Variants in THSD7B observed in about 807,000 individuals in gnomAD.
The protein encoded by THSD7B is thrombospondin type 1 domain containing 7B.
THSD7B carries 138 observed loss-of-function variants against 213.6 expected under a neutral mutation model. The ratio of observed to expected loss-of-function variants is 0.65; its 90% confidence interval spans 0.56 to 0.74. The LOEUF is 0.74. Ranked by LOEUF, THSD7B falls within the 30% of genes least tolerant of loss-of-function variation. The pLI, the probability that THSD7B is intolerant of heterozygous loss-of-function variation, is 0.00. For synonymous variants in THSD7B, 742 were observed against 687.0 expected (o/e 1.08, Z -1.25); for missense variants, 1,931 against 1,991.5 (o/e 0.97, Z 0.58).
In THSD7B at chr2:136,983,377, A is replaced by ACACACACACT. The variant is rs1342830898; in HGVS notation, c.140-73040_140-73039insACACACTCAC. Reference sequence around the variant, plus strand: ...CACACAGACACACACACACGCACACACACTCACTCTCTCTCTCTCTGTCTG... The same window carrying ACACACACACT: ...CACACAGACACACACACACGCACACACACACACACTCACTCACTCTCTCTCTCTCTGTCTG... On this transcript the variant is annotated intron_variant, in intron 2 of 27. Coordinates refer to ENST00000409968, the MANE Select transcript of THSD7B (RefSeq NM_001316349.2). Among the ~76,000 whole-genome samples the ACACACACACT allele has an allele frequency of 5.5e-5, 8 of 146,412 alleles. No individual in the cohort carries two copies. In the East Asian group the frequency reaches 6.1e-4, roughly 11 times the overall value.
Position 137,560,628 on chromosome 2 carries a change from G to A in THSD7B, c.3139-2593G>A, listed in dbSNP as rs143406378. Among the ~76,000 whole-genome samples, 895 of 152,150 alleles carry A rather than the reference G, an allele frequency of 5.9e-3. 11 individuals carry two copies. The highest frequency in any genetic ancestry group is 0.02 in the African/African-American group (819 of 41,476). On this transcript the variant is annotated intron_variant, in intron 15 of 27. Transcript: ENST00000409968. ...CCTAATGTAAATGACGAGCTAATGG[G>A]TGCAGCACACCAACATGGCACATGT...
Position 137,663,525 on chromosome 2 carries a change from C to G in THSD7B, c.4601C>G (p.Ser1534Ter). 1 of 1,608,734 alleles carries G rather than the reference C, an allele frequency of 6.2e-7. No homozygotes were observed. The highest frequency in any genetic ancestry group is 8.5e-7 in the Non-Finnish European group (1 of 1,177,282). ...NLSGKNRPVN[S>*]KIHDIFKGWS... ...TCTGGGAAAAACAGACCTGTGAATT[C>G]AAAAATACATGATATTTTTAAAGGA... Residue 1534 changes from serine to a stop codon, truncating the protein, a stop_gained, in exon 26 of 28, where the codon TCA becomes TGA. Transcript: ENST00000409968. LOFTEE classifies it high-confidence loss of function.
intron 15 of THSD7B, among the ~76,000 whole-genome samples, chr2:137,507,375 T>G (rs531916766): frequency 3.9e-5 from 6 of 152,354 alleles, no homozygotes; most frequent in African/African-American, 1.4e-4. Context: ...TCTTTCTCCC[T>G]TGGCAACAAA....
intron 9 of THSD7B, among the ~76,000 whole-genome samples, chr2:137,239,524 G>A (rs371968134): frequency 1.1e-4 from 17 of 152,102 alleles, no homozygotes; most frequent in African/African-American, 3.6e-4. Context: ...TATATCACTG[G>A]CCCTTCTCCC....
chr2:137,152,078 A>T (rs1405246505), intron 5 of THSD7B, among the ~76,000 whole-genome samples: 2 of 150,276 alleles, frequency 1.3e-5, no homozygotes, highest in Non-Finnish European at 2.9e-5. Flanking sequence ...GCTTATAGTG[A>T]ACTCTTTAAA....
chr2:137,161,071 G>T (rs1680009794), intron 6 of THSD7B, among the ~76,000 whole-genome samples: 1 of 152,134 alleles, frequency 6.6e-6, no homozygotes, highest in Non-Finnish European at 1.5e-5. Flanking sequence ...ATTTTTGCAA[G>T]GGTCATTATG....
chr2:136,967,711 T>A (rs1191442383), intron 2 of THSD7B, among the ~76,000 whole-genome samples: 1 of 152,210 alleles, frequency 6.6e-6, no homozygotes, highest in African/African-American at 2.4e-5. Context: ...ACTCCCAATG[T>A]GTCTCTTTCT....
At chr2:137,094,767 C>T (rs147939826) in intron 3 of THSD7B, 106 bp from the exon 4 acceptor site, 134 of 1,402,218 alleles carry the variant, frequency 9.6e-5, no homozygotes, top group African/African-American at 5.3e-4. Flanking sequence ...TCCTATTAAA[C>T]GCTTAAATCA....
intron 12 of THSD7B, among the ~76,000 whole-genome samples, chr2:137,370,512 AG>A (rs1390581755): frequency 1.3e-5 from 2 of 152,186 alleles, no homozygotes; most frequent in African/African-American, 4.8e-5. Context: ...TCTGTTGCCC[AG>A]TCTGGAATGC....
intron 2 of THSD7B, among the ~76,000 whole-genome samples, chr2:136,929,674 G>A (rs1473005711): frequency 6.6e-6 from 1 of 152,180 alleles, no homozygotes. Context: ...TTAAGATTTA[G>A]GAGTAAGGTT....
intron 3 of THSD7B, among the ~76,000 whole-genome samples, chr2:137,068,215 A>G (rs1313136439): frequency 6.6e-6 from 1 of 151,894 alleles, no homozygotes; most frequent in Admixed American, 6.6e-5. Context: ...GACAACTTTG[A>G]AGTTCCTTAC....
intron 7 of THSD7B, among the ~76,000 whole-genome samples, chr2:137,208,560 A>T (rs1681035416): frequency 6.6e-6 from 1 of 152,054 alleles, no homozygotes; most frequent in Admixed American, 6.6e-5. Flanking sequence ...ACCACCCAGC[A>T]CTGAAACAGT....
intron 1 of THSD7B, among the ~76,000 whole-genome samples, chr2:136,800,280 T>A (rs1682153037): frequency 6.6e-6 from 1 of 151,990 alleles, no homozygotes; most frequent in Admixed American, 6.6e-5. Context: ...TCAATAATTA[T>A]TTTTTGTGAT....
chr2:136,861,885 A>T (rs752559742), intron 1 of THSD7B, among the ~76,000 whole-genome samples: 1 of 152,148 alleles, frequency 6.6e-6, no homozygotes, highest in Non-Finnish European at 1.5e-5. Flanking sequence ...ATCACCTGGG[A>T]CTGCAGTCAT....
In THSD7B at chr2:137,505,591, G is replaced by A. The variant is rs112220476; in HGVS notation, c.3138+54568G>A. Among the ~76,000 whole-genome samples the A allele has an allele frequency of 7.0e-3, 1,071 of 152,314 alleles. 11 individuals are homozygous for A. Among genetic ancestry groups the A allele is most frequent in the African/African-American group, 0.024 (1,010 of 41,574 alleles). On this transcript the variant is annotated intron_variant, in intron 15 of 27. Transcript: ENST00000409968. ...GATCATGCCTGGACCAACATTCTGC[G>A]AACGGAGTCCTGGGATAAAGTTGTA...
intron 17 of THSD7B, among the ~76,000 whole-genome samples, chr2:137,613,487 T>C (rs1682325001): frequency 6.6e-6 from 1 of 152,148 alleles, no homozygotes; most frequent in South Asian, 2.1e-4. Context: ...AACTTTAAGG[T>C]AAATGCTGCT....
rs762122933 is a variant in THSD7B, at chr2:137,232,962, G to A, written c.1979G>A (p.Cys660Tyr). 2 of 1,613,946 alleles carry A rather than the reference G, an allele frequency of 1.2e-6. No individual in the cohort carries two copies. The highest frequency in any genetic ancestry group is 1.1e-5 in the South Asian group (1 of 91,078). The stretch of plus-strand genomic sequence containing the variant: ...CATCGTTTGTGTAATGACCATTCCT[G>A]TATGCAGCTTCACTGGGAGACATCG... ...QEHRLCNDHS[C>Y]MQLHWETSPW... The change falls in exon 9 of 28, where the codon TGT (cysteine) becomes TAT (tyrosine). Residue 660 changes from cysteine to tyrosine, a missense_variant. Transcript: ENST00000409968.
At chr2:137,296,180 C>T (rs1250054971) in intron 12 of THSD7B, among the ~76,000 whole-genome samples, 1 of 152,150 alleles carries the variant, frequency 6.6e-6, no homozygotes, top group Non-Finnish European at 1.5e-5. Flanking sequence ...GACCCAAAAG[C>T]TTCAGACTTA....
chr2:137,149,161 G>A (rs945758618), intron 5 of THSD7B, among the ~76,000 whole-genome samples: 5 of 152,194 alleles, frequency 3.3e-5, no homozygotes, highest in African/African-American at 4.8e-5. Context: ...GAGGGTGGAA[G>A]CTCCAAGCCT....
Sources: allele counts gnomAD v4.1 joint callset (sites outside exome capture counted in the v4.1 genomes callset), GRCh38; gene constraint gnomAD v4.1.1; transcripts MANE v1.5; gene names NCBI Gene and HGNC (gene_info 2026-07-23, HGNC 2026-07-21).